Variants in EFNA2 observed in about 807,000 individuals in gnomAD.
The protein encoded by EFNA2 is ephrin-A2.
EFNA2 carries 18 observed loss-of-function variants against 19.7 expected under a neutral mutation model. That is an observed-to-expected ratio of 0.91 (90% CI 0.63 to 1.35). EFNA2 has a LOEUF of 1.35. Among genes scored for constraint, EFNA2 ranks in the 40% most tolerant of loss-of-function variants. The pLI, the probability that EFNA2 is intolerant of heterozygous loss-of-function variation, is 0.00. For synonymous variants in EFNA2, 187 were observed against 137.8 expected (o/e 1.36, Z -2.50); for missense variants, 303 against 296.0 (o/e 1.02, Z -0.17).
Position 1,287,642 on chromosome 19 carries a change from G to GGGGGCTGAGGGCA in EFNA2, c.140+1338_140+1350dup, listed in dbSNP as rs1418952209. Among the ~76,000 whole-genome samples the GGGGGCTGAGGGCA allele has an allele frequency of 6.6e-6, 1 of 152,140 alleles. No individual in the cohort carries two copies. The highest frequency in any genetic ancestry group is 2.4e-5 in the African/African-American group (1 of 41,428). Reference sequence around the variant, plus strand: ...GGTCAACGGCCTCGGGTCGGGCCCTGGGGGCTGAGGGCAGGGACCCCGGGC... The same window carrying GGGGGCTGAGGGCA: ...GGTCAACGGCCTCGGGTCGGGCCCTGGGGGCTGAGGGCAGGGGCTGAGGGCAGGGACCCCGGGC... On this transcript the variant is annotated intron_variant, in intron 1 of 3. Transcript: ENST00000215368. The surrounding 1 kb of genome is among the most constrained non-coding windows in gnomAD (Gnocchi z 6.2).
intron 1 of EFNA2, among the ~76,000 whole-genome samples, chr19:1,292,350 C>T (rs890403535): frequency 2.0e-5 from 3 of 152,268 alleles, no homozygotes; most frequent in Non-Finnish European, 4.4e-5. Flanking sequence ...AACACACACA[C>T]CTGTGGGCTG....
At chr19:1,285,692 C>G (rs1457726327), upstream of EFNA2, among the ~76,000 whole-genome samples, 1 of 150,958 alleles carries the variant, frequency 6.6e-6, no homozygotes, top group Admixed American at 6.6e-5. The surrounding 1 kb of genome is among the most constrained non-coding windows in gnomAD (Gnocchi z 4.1). Flanking sequence ...ACGCGGATGC[C>G]GGCGGGGGGC....
intron 1 of EFNA2, among the ~76,000 whole-genome samples, chr19:1,288,828 C>T (rs1310476884): frequency 2.6e-5 from 4 of 152,186 alleles, no homozygotes; most frequent in South Asian, 4.1e-4. Context: ...GGTGACTGCA[C>T]AGCGTCCGTC....
rs2081465799 is a variant in EFNA2, at chr19:1,286,501, C to T, written c.140+193C>T. Among the ~76,000 whole-genome samples, 1 of 151,840 alleles carries T rather than the reference C, an allele frequency of 6.6e-6. No individual in the cohort carries two copies. Among genetic ancestry groups the T allele is most frequent in the Non-Finnish European group, 1.5e-5 (1 of 67,870 alleles). ...GTTTGGGGGACTCGCCCTTTTCGCGCCTGCCTTCCCCGGGGCGCCCCATTG... is the reference window on the plus strand; with the variant it reads ...GTTTGGGGGACTCGCCCTTTTCGCGTCTGCCTTCCCCGGGGCGCCCCATTG... On this transcript the variant is annotated intron_variant, in intron 1 of 3. Transcript: ENST00000215368. This position sits in a 1 kb window ranked among gnomAD's most constrained non-coding sequence, Gnocchi z 5.6.
chr19:1,288,479 G>C (rs1352373440), intron 1 of EFNA2, among the ~76,000 whole-genome samples: 2 of 152,066 alleles, frequency 1.3e-5, no homozygotes, highest in Non-Finnish European at 2.9e-5. Flanking sequence ...GGTGTGTGGG[G>C]GATGCGGGGA....
chr19:1,285,083 A>G (rs1600051666), upstream of EFNA2, among the ~76,000 whole-genome samples: 1 of 152,310 alleles, frequency 6.6e-6, no homozygotes, highest in East Asian at 1.9e-4. This position sits in a 1 kb window ranked among gnomAD's most constrained non-coding sequence, Gnocchi z 4.1. Flanking sequence ...CACTGTCTCT[A>G]TAGATTGGAA....
Position 1,300,971 on chromosome 19 carries a change from T to G in EFNA2, c.*1026T>G, listed in dbSNP as rs1443185075. Among the ~76,000 whole-genome samples the G allele has an allele frequency of 5.5e-5, 8 of 145,954 alleles. No individual in the cohort carries two copies. Among genetic ancestry groups the G allele is most frequent in the South Asian group, 4.4e-4 (2 of 4,528 alleles). On this transcript the variant is annotated 3_prime_UTR_variant, in exon 4 of 4. Transcript: ENST00000215368. ...CTTCATAGGGGGTCTTTTATTTTGG[T>G]GGGGGGGTGGGGTGGACTTTTAGAG...
At position 1,294,018 on chromosome 19, in the gene EFNA2, C is replaced by T. The variant is rs894315215; in HGVS notation, c.141-1527C>T. Among the ~76,000 whole-genome samples the T allele has an allele frequency of 1.3e-5, 2 of 152,192 alleles. No homozygotes were observed. The highest frequency in any genetic ancestry group is 2.9e-5 in the Non-Finnish European group (2 of 68,016). ...CTGCGGCGGGCTCACCCCTGCAGGC[C>T]GGGGTGGCGGTGGCTGTGCCGGGCT... On this transcript the variant is annotated intron_variant, in intron 1 of 3. Transcript: ENST00000215368. This position sits in a 1 kb window ranked among gnomAD's most constrained non-coding sequence, Gnocchi z 5.8.
chr19:1,284,489 G>T (rs2081454445), upstream of EFNA2, among the ~76,000 whole-genome samples: 1 of 152,232 alleles, frequency 6.6e-6, no homozygotes, highest in African/African-American at 2.4e-5. The surrounding 1 kb of genome is among the most constrained non-coding windows in gnomAD (Gnocchi z 5.3). Flanking sequence ...AGACCTTTCT[G>T]GAAGAGCAAG....
chr19:1,292,396 C>T (rs1292344099), intron 1 of EFNA2, among the ~76,000 whole-genome samples: 4 of 152,270 alleles, frequency 2.6e-5, no homozygotes, highest in Non-Finnish European at 5.9e-5. Flanking sequence ...GTCCTCGCCT[C>T]TTGACCTTTT....
At chr19:1,288,997 G>A (rs914187155) in intron 1 of EFNA2, among the ~76,000 whole-genome samples, 1 of 152,236 alleles carries the variant, frequency 6.6e-6, no homozygotes, top group African/African-American at 2.4e-5. Flanking sequence ...GCCCTCACCT[G>A]TCCTGGCCAC....
intron 3 of EFNA2, among the ~76,000 whole-genome samples, chr19:1,299,282 G>C (rs2081529466): frequency 6.6e-6 from 1 of 151,894 alleles, no homozygotes; most frequent in East Asian, 1.9e-4. Context: ...AGAGTGGCCG[G>C]GCACGGTGGC....
intron 1 of EFNA2, among the ~76,000 whole-genome samples, chr19:1,290,267 T>C (rs59022200): frequency 0.018 from 2,814 of 152,220 alleles, 88 homozygotes; most frequent in African/African-American, 0.064. Flanking sequence ...CGAGGCACCA[T>C]GGTCTCTGTG....
Position 1,296,294 on chromosome 19 carries a change from C to G in EFNA2, c.454+436C>G, listed in dbSNP as rs887683751. Among the ~76,000 whole-genome samples the G allele has an allele frequency of 1.3e-5, 2 of 152,140 alleles. No homozygotes were observed. Among genetic ancestry groups the G allele is most frequent in the African/African-American group, 4.8e-5 (2 of 41,426 alleles). On this transcript the variant is annotated intron_variant, in intron 2 of 3. Transcript: ENST00000215368. The surrounding 1 kb of genome is among the most constrained non-coding windows in gnomAD (Gnocchi z 4.4). ...GGCCAGTAGACCTGGCTCAGCCCCC[C>G]GATAGCGAGACCAGGGTGCCCGAGC...
chr19:1,298,471 G>C, intron 2 of EFNA2, 80 bp from the exon 3 acceptor site: 1 of 1,465,390 alleles, frequency 6.8e-7, no homozygotes, highest in South Asian at 1.2e-5. Flanking sequence ...ATTCACCAAG[G>C]TGGGGAAGGG....
rs2081469987 is a variant in EFNA2, at chr19:1,287,328, G to A, written c.140+1020G>A. On this transcript the variant is annotated intron_variant, in intron 1 of 3. Coordinates refer to ENST00000215368, the MANE Select transcript of EFNA2 (RefSeq NM_001405.4). The surrounding 1 kb of genome is among the most constrained non-coding windows in gnomAD (Gnocchi z 6.2). ...GGAGGGAGTCAGCCCCAGCACTCAG[G>A]GTGTCACCGTCTTCCTAAGGCACAC... Among the ~76,000 whole-genome samples the A allele has an allele frequency of 6.6e-6, 1 of 152,074 alleles. No homozygotes were observed. Among genetic ancestry groups the A allele is most frequent in the South Asian group, 2.1e-4 (1 of 4,820 alleles).
chr19:1,301,082 G>GA lies in EFNA2; in HGVS notation c.*1144dup, dbSNP rs1379281435. ...GACCTGATAATGTTTCTAAGAAAAAGAAAAAAAGGACAAAAGGGAGGGAAC... is the reference window on the plus strand; with the variant it reads ...GACCTGATAATGTTTCTAAGAAAAAGAAAAAAAAGGACAAAAGGGAGGGAAC... On this transcript the variant is annotated 3_prime_UTR_variant, in exon 4 of 4. Transcript: ENST00000215368. Among the ~76,000 whole-genome samples the GA allele has an allele frequency of 1.2e-3, 144 of 122,804 alleles. No homozygotes were observed. Among genetic ancestry groups the GA allele is most frequent in the African/African-American group, 1.6e-3 (52 of 32,570 alleles). The allele number at this position is 122,804 out of a possible 152,430, so 80.6% of individuals were successfully genotyped here.
At position 1,289,073 on chromosome 19, in the gene EFNA2, G is replaced by A. The variant is rs564831792; in HGVS notation, c.140+2765G>A. Among the ~76,000 whole-genome samples, 30 of 152,372 alleles carry A rather than the reference G, an allele frequency of 2.0e-4. 1 individual carries two copies. Among genetic ancestry groups the A allele is most frequent in the South Asian group, 1.2e-3 (6 of 4,830 alleles). ...GCGTGCAGCGGTGGGGAAGGGTGGCGTGCAGGTGTGCCTGGAGTCGCATCC... is the reference window on the plus strand; with the variant it reads ...GCGTGCAGCGGTGGGGAAGGGTGGCATGCAGGTGTGCCTGGAGTCGCATCC... On this transcript the variant is annotated intron_variant, in intron 1 of 3. Coordinates refer to ENST00000215368, the MANE Select transcript of EFNA2 (RefSeq NM_001405.4).
intron 2 of EFNA2, among the ~76,000 whole-genome samples, chr19:1,298,102 A>G (rs1207681501): frequency 6.9e-6 from 1 of 145,940 alleles, no homozygotes; most frequent in Non-Finnish European, 1.5e-5. Flanking sequence ...AAAAAAAAGA[A>G]TCTTTCCCAG....
Sources: gnomAD v4.1 joint callset for allele counts (sites outside exome capture counted in the v4.1 genomes callset) on GRCh38, gnomAD v4.1.1 for gene constraint, Gnocchi (gnomAD v3.1) non-coding constraint, MANE v1.5 for transcripts, NCBI Gene and HGNC (gene_info 2026-07-23, HGNC 2026-07-21) for gene names.